CDH13: variants seen among roughly 807,000 people sequenced by gnomAD.
CDH13 encodes cadherin 13.
A neutral mutation model predicts 63.8 loss-of-function variants in CDH13; 24 were observed. The observed-to-expected ratio is 0.38, with a 90% CI of 0.27 to 0.53. CDH13 has a LOEUF of 0.53. Among genes scored for constraint, CDH13 ranks in the 20% least tolerant of loss-of-function variants. The pLI is 0.85. For synonymous variants in CDH13, 503 were observed against 355.3 expected (o/e 1.42, Z -4.67); for missense variants, 1,049 against 903.1 (o/e 1.16, Z -2.07).
chr16:83,029,614 TAGG>T (rs1179909008), intron 2 of CDH13, among the ~76,000 whole-genome samples: 5 of 152,224 alleles, frequency 3.3e-5, no homozygotes, highest in African/African-American at 1.2e-4. Context: ...AGAAGCCAAA[TAGG>T]AGAGAGTGCA....
chr16:83,669,313 G>C (rs760643585), intron 8 of CDH13, among the ~76,000 whole-genome samples: 9 of 152,168 alleles, frequency 5.9e-5, no homozygotes, highest in Non-Finnish European at 1.2e-4. Context: ...AATTGGAATA[G>C]GACTCGGGAA....
chr16:83,408,143 A>G (rs892834116), intron 6 of CDH13, among the ~76,000 whole-genome samples: 6 of 152,322 alleles, frequency 3.9e-5, no homozygotes, highest in African/African-American at 1.4e-4. Context: ...CTCCTGACAC[A>G]TGGATGATGA....
At chr16:83,135,169 C>T (rs887748820) in intron 4 of CDH13, among the ~76,000 whole-genome samples, 25 of 152,136 alleles carry the variant, frequency 1.6e-4, no homozygotes, top group African/African-American at 5.6e-4. Flanking sequence ...TTTACAACAG[C>T]CCTATAAAGT....
chr16:83,683,201 G>C (rs1489070982), intron 10 of CDH13, among the ~76,000 whole-genome samples: 3 of 152,354 alleles, frequency 2.0e-5, no homozygotes, highest in African/African-American at 7.2e-5. Context: ...TTGTTAAAAA[G>C]CCCTTCACAT....
At chr16:83,296,753 C>G (rs767442346) in intron 5 of CDH13, among the ~76,000 whole-genome samples, 3 of 152,164 alleles carry the variant, frequency 2.0e-5, no homozygotes, top group Non-Finnish European at 4.4e-5. Context: ...GAATATTTCA[C>G]AACTTGTTCA....
intron 1 of CDH13, among the ~76,000 whole-genome samples, chr16:82,767,115 G>A (rs544364973): frequency 6.6e-6 from 1 of 152,276 alleles, no homozygotes; most frequent in South Asian, 2.1e-4. Flanking sequence ...ATATTTTTCA[G>A]TAGAGTTCAA....
At chr16:83,569,636 C>T (rs558222518) in intron 7 of CDH13, among the ~76,000 whole-genome samples, 1 of 152,320 alleles carries the variant, frequency 6.6e-6, no homozygotes, top group African/African-American at 2.4e-5. Flanking sequence ...AACAAGATTT[C>T]TGTCCTCTCT....
At chr16:83,276,483 C>G (rs2088992254) in intron 5 of CDH13, among the ~76,000 whole-genome samples, 1 of 152,116 alleles carries the variant, frequency 6.6e-6, no homozygotes, top group African/African-American at 2.4e-5. Flanking sequence ...AAAATATACC[C>G]AGGACTGGGC....
chr16:83,698,288 T>A (rs377007299), intron 10 of CDH13, among the ~76,000 whole-genome samples: 95 of 152,330 alleles, frequency 6.2e-4, no homozygotes, highest in Middle Eastern at 6.8e-3. Flanking sequence ...AGAGTGCAAA[T>A]GAATGCTAAT....
At chr16:83,077,422 A>G (rs145428610) in intron 3 of CDH13, among the ~76,000 whole-genome samples, 1 of 151,600 alleles carries the variant, frequency 6.6e-6, no homozygotes, top group South Asian at 2.1e-4. Context: ...CGAACTCCTG[A>G]CCTCAAGTGA....
chr16:83,063,482 G>C (rs1242677520), intron 3 of CDH13, among the ~76,000 whole-genome samples: 5 of 152,160 alleles, frequency 3.3e-5, no homozygotes, highest in Non-Finnish European at 5.9e-5. Context: ...CCCGCAGAGA[G>C]AATGGTTAGG....
chr16:83,002,952 A>G (rs1382427466), intron 2 of CDH13, among the ~76,000 whole-genome samples: 1 of 152,192 alleles, frequency 6.6e-6, no homozygotes, highest in African/African-American at 2.4e-5. Context: ...TACCAAATAT[A>G]TTGTTTTACG....
chr16:82,820,549 G>C (rs2037955675), intron 1 of CDH13, among the ~76,000 whole-genome samples: 1 of 152,188 alleles, frequency 6.6e-6, no homozygotes, highest in Admixed American at 6.5e-5. Context: ...CTGCACTGCA[G>C]TTATTTTTAG....
intron 1 of CDH13, among the ~76,000 whole-genome samples, chr16:82,744,442 T>C (rs943542506): frequency 6.6e-6 from 1 of 152,142 alleles, no homozygotes; most frequent in Non-Finnish European, 1.5e-5. Context: ...TCCTAGGGAT[T>C]TTTTTGAAAA....
intron 4 of CDH13, among the ~76,000 whole-genome samples, chr16:83,153,523 C>G (rs878898082): frequency 6.6e-6 from 1 of 152,170 alleles, no homozygotes; most frequent in Non-Finnish European, 1.5e-5. Context: ...GCTGTTATCA[C>G]CTTTGTTTTA....
intron 8 of CDH13, among the ~76,000 whole-genome samples, chr16:83,636,099 A>T (rs1167170142): frequency 1.3e-4 from 3 of 23,124 alleles, no homozygotes; most frequent in Non-Finnish European, 3.2e-4. Context: ...CCCCTTGATT[A>T]AAAAAAAAAA....
At chr16:82,685,396 G>A (rs1914962637) in intron 1 of CDH13, among the ~76,000 whole-genome samples, 3 of 152,154 alleles carry the variant, frequency 2.0e-5, no homozygotes. Context: ...CATTCATAAT[G>A]GCTCATCCTC....
intron 2 of CDH13, among the ~76,000 whole-genome samples, chr16:83,017,244 T>C (rs1343213561): frequency 6.6e-6 from 1 of 152,150 alleles, no homozygotes; most frequent in African/African-American, 2.4e-5. Flanking sequence ...ACACACAGGG[T>C]CTTCTGGCAT....
At chr16:83,576,110 C>T (rs1905069616) in intron 7 of CDH13, among the ~76,000 whole-genome samples, 1 of 152,152 alleles carries the variant, frequency 6.6e-6, no homozygotes, top group Non-Finnish European at 1.5e-5. Context: ...CTTAAAATAT[C>T]TTTATCATCC....
Sources: allele counts gnomAD v4.1 joint callset (sites outside exome capture counted in the v4.1 genomes callset), GRCh38; gene constraint gnomAD v4.1.1; transcripts MANE v1.5; gene names NCBI Gene and HGNC (gene_info 2026-07-23, HGNC 2026-07-21).